The following SHROOM4 variants were observed in gnomAD, a reference collection of about 807,000 sequenced individuals.
SHROOM4 encodes the protein protein Shroom4.
SHROOM4 carries 17 observed loss-of-function variants against 80.3 expected under a neutral mutation model. The ratio of observed to expected loss-of-function variants is 0.21; its 90% CI spans 0.14 to 0.32. SHROOM4 has a LOEUF of 0.32. Ranked by LOEUF, SHROOM4 falls within the 10% of genes least tolerant of loss-of-function variation. The pLI, the probability that SHROOM4 is intolerant of heterozygous loss-of-function variation, is 1.00. For synonymous variants in SHROOM4, 400 were observed against 437.5 expected (o/e 0.91, Z 1.07); for missense variants, 993 against 1,140.3 (o/e 0.87, Z 1.86).
chrX:50,711,814 C>T (rs1557264406), intron 1 of SHROOM4, among the ~76,000 whole-genome samples: 2 of 112,106 alleles, frequency 1.8e-5, no homozygotes, highest in Non-Finnish European at 3.8e-5. Context: ...CACACAAAAA[C>T]AAGTAAAAAA....
At chrX:50,641,105 G>A (rs1343186456) in intron 2 of SHROOM4, among the ~76,000 whole-genome samples, 2 of 112,020 alleles carry the variant, frequency 1.8e-5, no homozygotes, top group Admixed American at 1.9e-4. Flanking sequence ...TCAAGGTACT[G>A]CTCAAGTACC....
chrX:50,750,615 G>A (rs782368792), intron 1 of SHROOM4, among the ~76,000 whole-genome samples: 2 of 111,831 alleles, frequency 1.8e-5, no homozygotes, highest in African/African-American at 3.3e-5. Flanking sequence ...CTGAATTTGC[G>A]GGTAGCCTCC....
In SHROOM4 at chrX:50,635,265, C is replaced by T. The variant is rs1557255671; in HGVS notation, c.808G>A (p.Val270Ile). The change falls in exon 4 of 9, where the codon GTC (valine) becomes ATC (isoleucine). Residue 270 changes from valine to isoleucine, a missense_variant. Val to Ile is a conservative substitution (Grantham distance 29). Transcript: ENST00000376020. ...EGYQSGPAKAVRGPPQPPVRR... is the reference protein window; with the variant it reads ...EGYQSGPAKAIRGPPQPPVRR... ...ACTGGAGGTTGTGGTGGGCCCCTGACTGCTTTGGCGGGCCCTGACTGGTAT... is the reference window on the plus strand; with the variant it reads ...ACTGGAGGTTGTGGTGGGCCCCTGATTGCTTTGGCGGGCCCTGACTGGTAT... 5 of 1,200,476 alleles carry T rather than the reference C, an allele frequency of 4.2e-6. No individual in the cohort carries two copies. Among genetic ancestry groups the T allele is most frequent in the Admixed American group, 4.5e-5 (2 of 44,822 alleles).
chrX:50,709,139 G>A (rs1453079414), intron 1 of SHROOM4, among the ~76,000 whole-genome samples: 6 of 111,214 alleles, frequency 5.4e-5, no homozygotes. Flanking sequence ...TCCGGGATCT[G>A]TAACACGGTC....
chrX:50,632,616 C>G (rs1182299329), intron 4 of SHROOM4, among the ~76,000 whole-genome samples: 1 of 112,400 alleles, frequency 8.9e-6, no homozygotes, highest in Non-Finnish European at 1.9e-5. Flanking sequence ...CAAGTCAGAT[C>G]TCTGAAAGCA....
intron 1 of SHROOM4, among the ~76,000 whole-genome samples, chrX:50,705,943 G>T (rs1933659311): frequency 9.6e-6 from 1 of 104,395 alleles, no homozygotes; most frequent in Non-Finnish European, 1.9e-5. Context: ...ACATGATCTG[G>T]CCATGCATGC....
the SHROOM4 span, among the ~76,000 whole-genome samples, chrX:50,576,608 T>G: frequency 8.9e-6 from 1 of 111,780 alleles, no homozygotes; most frequent in Admixed American, 9.5e-5. Flanking sequence ...ATTTTGTGTG[T>G]GTGTGTGTGT....
At chrX:50,660,721 C>T (rs1473927878) in intron 2 of SHROOM4, among the ~76,000 whole-genome samples, 1 of 106,890 alleles carries the variant, frequency 9.4e-6, no homozygotes, top group Non-Finnish European at 1.9e-5. Flanking sequence ...TCAAGTGATG[C>T]TCTCGCCTCA....
At position 50,607,984 on chromosome X, in the gene SHROOM4, A is replaced by T. The variant is rs782682918; in HGVS notation, c.3158T>A (p.Leu1053Gln). ...ACTCTCTGAGAAGGCACGGCTGCGC[A>T]GTGGGTGGGGCATGGAGGCAAGGGA... ...GSSLASMPHP[L>Q]RSRAFSESHI... The change falls in exon 6 of 9, where the codon CTG (leucine) becomes CAG (glutamine). Residue 1053 changes from leucine (L) to glutamine (Q), a missense_variant. By Grantham distance (113) the Leu-to-Gln change is moderately radical (BLOSUM62 -2). Transcript: ENST00000376020. 8.3e-7 allele frequency: 1 copy of T among 1,211,990 alleles called. No homozygotes were observed. Among genetic ancestry groups the T allele is most frequent in the Non-Finnish European group, 1.1e-6 (1 of 895,587 alleles).
At chrX:50,797,404 A>C (rs1168555346) in intron 1 of SHROOM4, among the ~76,000 whole-genome samples, 1 of 112,020 alleles carries the variant, frequency 8.9e-6, no homozygotes, top group Non-Finnish European at 1.9e-5. Context: ...AAAAAAGCGA[A>C]GTGCAAAAGA....
At chrX:50,782,509 C>T (rs1935649863) in intron 1 of SHROOM4, among the ~76,000 whole-genome samples, 1 of 111,468 alleles carries the variant, frequency 9.0e-6, no homozygotes, top group Non-Finnish European at 1.9e-5. Context: ...CACAATAACC[C>T]TCTGAGTATG....
chrX:50,662,220 G>A (rs1216477600), intron 2 of SHROOM4, among the ~76,000 whole-genome samples: 2 of 112,017 alleles, frequency 1.8e-5, no homozygotes, highest in African/African-American at 6.5e-5. Context: ...AGTGTTATGC[G>A]TCAGGCGTGG....
At chrX:50,577,711 G>A in the SHROOM4 span, among the ~76,000 whole-genome samples, 1 of 111,971 alleles carries the variant, frequency 8.9e-6, no homozygotes, top group Non-Finnish European at 1.9e-5. Flanking sequence ...GAAATCGGCA[G>A]AAATATCTCC....
At chrX:50,727,650 C>T (rs1934271490) in intron 1 of SHROOM4, among the ~76,000 whole-genome samples, 1 of 112,291 alleles carries the variant, frequency 8.9e-6, no homozygotes, top group Admixed American at 9.4e-5. Context: ...TCCTTGCTTT[C>T]CCTTCACCTT....
intron 2 of SHROOM4, chrX:50,649,653 T>A (rs975231582): frequency 1.8e-5 from 2 of 112,076 alleles, no homozygotes; most frequent in Non-Finnish European, 3.8e-5. Context: ...TTGCTTTGGC[T>A]GACATAACTA....
intron 1 of SHROOM4, among the ~76,000 whole-genome samples, chrX:50,737,213 T>G (rs1338405535): frequency 9.0e-6 from 1 of 110,520 alleles, no homozygotes; most frequent in African/African-American, 3.3e-5. Flanking sequence ...GAGAATAACT[T>G]GAAAATAGTT....
intron 1 of SHROOM4, among the ~76,000 whole-genome samples, chrX:50,782,215 A>G (rs782241470): frequency 9.0e-6 from 1 of 111,620 alleles, no homozygotes; most frequent in African/African-American, 3.3e-5. Context: ...CTCAAAAAAA[A>G]AAAATCTAAT....
chrX:50,742,333 T>C (rs1251393072), intron 1 of SHROOM4, among the ~76,000 whole-genome samples: 6 of 111,811 alleles, frequency 5.4e-5, no homozygotes, highest in African/African-American at 1.9e-4. Flanking sequence ...ATTAGTATGG[T>C]ACATTTGTAA....
At chrX:50,631,081 C>T (rs1557254052) in intron 4 of SHROOM4, among the ~76,000 whole-genome samples, 2 of 110,702 alleles carry the variant, frequency 1.8e-5, no homozygotes, top group African/African-American at 6.6e-5. Flanking sequence ...AAACAAAAAA[C>T]AGAAAAAGAT....
Sources: allele counts gnomAD v4.1 joint callset (sites outside exome capture counted in the v4.1 genomes callset), GRCh38; gene constraint gnomAD v4.1.1; transcripts MANE v1.5; gene names NCBI Gene and HGNC (gene_info 2026-07-23, HGNC 2026-07-21).